Variants in NCOR2 observed in about 807,000 individuals in gnomAD.
NCOR2 encodes the protein CTG repeat protein 26.
Under a neutral mutation model 262.9 loss-of-function variants are expected in NCOR2, and 81 were observed. The ratio of observed to expected loss-of-function variants is 0.31; its 90% CI spans 0.26 to 0.37. The LOEUF (loss-of-function observed/expected upper bound fraction) is 0.37. NCOR2 is among the 10% of genes least tolerant of loss of function. The pLI is 1.00. For missense variants in NCOR2, 3,385 were observed against 3,621.4 expected (o/e 0.93, Z 1.68); for synonymous variants, 1,659 against 1,559.3 (o/e 1.06, Z -1.51).
chr12:124,506,635 G>A (rs1054291711), intron 1 of NCOR2, among the ~76,000 whole-genome samples: 10 of 151,752 alleles, frequency 6.6e-5, no homozygotes, highest in Admixed American at 5.3e-4. Context: ...CAAACATTAC[G>A]CCTGGTTCTG....
chr12:124,442,420 G>A (rs1161409720), intron 7 of NCOR2, among the ~76,000 whole-genome samples: 1 of 152,348 alleles, frequency 6.6e-6, no homozygotes, highest in Admixed American at 6.5e-5. Flanking sequence ...GATGACAGGC[G>A]TGGGCCACCA....
At chr12:124,339,920 C>T (rs2036308109) in intron 37 of NCOR2, 86 bp downstream of exon 39, 1 of 671,556 alleles carries the variant, frequency 1.5e-6, no homozygotes, top group African/African-American at 1.9e-5. Flanking sequence ...CCATATACCT[C>T]CCACCAAGCA....
At chr12:124,401,285 T>C (rs903038258) in intron 14 of NCOR2, among the ~76,000 whole-genome samples, 1 of 151,894 alleles carries the variant, frequency 6.6e-6, no homozygotes, top group East Asian at 1.9e-4. Context: ...TAAGGCCATG[T>C]GGACAGGTAG....
chr12:124,563,348 G>A (rs2052131336), intron 1 of NCOR2, among the ~76,000 whole-genome samples: 2 of 152,238 alleles, frequency 1.3e-5, no homozygotes, highest in Admixed American at 1.3e-4. Context: ...AGGGCAGTGT[G>A]GAAGTGTCCA....
At chr12:124,416,236 C>A (rs1311363381) in intron 13 of NCOR2, among the ~76,000 whole-genome samples, 1 of 129,916 alleles carries the variant, frequency 7.7e-6, no homozygotes, top group African/African-American at 3.0e-5. Context: ...TAAAAAAAAA[C>A]ATCTCTATTT....
At position 124,483,244 on chromosome 12, in the gene NCOR2, G is replaced by A. The variant is rs1235979165; in HGVS notation, c.411+352C>T. On this transcript the variant is annotated intron_variant, in intron 3 of 46. Coordinates refer to ENST00000405201, the Ensembl canonical transcript of NCOR2. The surrounding 1 kb of genome is among the most constrained non-coding windows in gnomAD (Gnocchi z 6.3). The stretch of plus-strand genomic sequence containing the variant: ...CCACAGGACGGTCCTGACCCCCATC[G>A]AATGGCAGCTCTCTGCTCCACGGCA... Among the ~76,000 whole-genome samples the A allele has an allele frequency of 1.3e-5, 2 of 151,880 alleles. No homozygotes were observed. The highest frequency in any genetic ancestry group is 6.6e-5 in the Admixed American group (1 of 15,264).
At chr12:124,415,578 C>T (rs1490768767) in intron 13 of NCOR2, among the ~76,000 whole-genome samples, 3 of 152,256 alleles carry the variant, frequency 2.0e-5, no homozygotes, top group Admixed American at 6.5e-5. Flanking sequence ...GAGGAAGGGG[C>T]GAGCCCTGGA....
chr12:124,517,666 C>T lies in NCOR2; in HGVS notation c.-118+17899G>A, dbSNP rs564857686. On this transcript the variant is annotated intron_variant, in intron 1 of 46. Coordinates refer to the NCOR2 transcript ENST00000404621. The surrounding 1 kb of genome is among the most constrained non-coding windows in gnomAD (Gnocchi z 7.6). ...ACTCCGGGAACAGAAGCCCCCTGAG[C>T]CCCCAAGGCTCGCCATGCTCCCCCC... is the stretch of plus-strand genomic sequence containing the variant. 1.3e-3 allele frequency among the ~76,000 whole-genome samples: 204 copies of T among 152,326 alleles called. No individual in the cohort carries two copies. The highest frequency in any genetic ancestry group is 2.4e-3 in the Admixed American group (37 of 15,312).
chr12:124,446,456 C>T (rs2045178134), intron 7 of NCOR2, among the ~76,000 whole-genome samples: 1 of 152,128 alleles, frequency 6.6e-6, no homozygotes, highest in African/African-American at 2.4e-5. Context: ...TGGCCTGTGC[C>T]CTCCTCTCCC....
At chr12:124,487,184 T>A (rs574895170) in intron 1 of NCOR2, among the ~76,000 whole-genome samples, 1 of 152,144 alleles carries the variant, frequency 6.6e-6, no homozygotes, top group African/African-American at 2.4e-5. Flanking sequence ...CTTGGCAGGG[T>A]GGGTAAGTGA....
At chr12:124,485,011 A>C (rs2047701707) in intron 2 of NCOR2, among the ~76,000 whole-genome samples, 1 of 152,100 alleles carries the variant, frequency 6.6e-6, no homozygotes, top group Non-Finnish European at 1.5e-5. Context: ...GAGGGCCCTC[A>C]AGTCCTTGTC....
intron 13 of NCOR2, among the ~76,000 whole-genome samples, chr12:124,415,951 T>C (rs558136455): frequency 1.3e-5 from 2 of 152,202 alleles, no homozygotes; most frequent in East Asian, 1.9e-4. Flanking sequence ...AAGAGTTGTG[T>C]GGCATATACA....
rs3825137 is a variant in NCOR2, at chr12:124,416,860, T to C, written c.1482+3097A>G. On this transcript the variant is annotated intron_variant, in intron 13 of 46. Coordinates refer to ENST00000405201, the Ensembl canonical transcript of NCOR2. ...GACCCCGTGGCCCAGGGAGACCCCGTGGCACAGATAGACCCGCCGCACAGG... is the reference window on the plus strand; with the variant it reads ...GACCCCGTGGCCCAGGGAGACCCCGCGGCACAGATAGACCCGCCGCACAGG... 2.6e-3 allele frequency among the ~76,000 whole-genome samples: 369 copies of C among 139,572 alleles called. 10 individuals carry two copies. The East Asian group carries it at 0.045, about 17-fold the overall frequency. The allele number at this position is 139,572 out of a possible 152,430, so 91.6% of individuals were successfully genotyped here.
At chr12:124,346,594 C>T (rs754333875) in exon 31 of NCOR2, 10 of 1,577,844 alleles carry the variant, frequency 6.3e-6, no homozygotes, top group East Asian at 4.5e-5. Flanking sequence ...TGAGCGGCCG[C>T]GGGGCCAGGG....
At chr12:124,353,988 C>A in intron 27 of NCOR2, 105 bp downstream of exon 29, 1 of 1,018,706 alleles carries the variant, frequency 9.8e-7, no homozygotes, top group South Asian at 1.5e-5. Flanking sequence ...CCAGTCATCA[C>A]CCCATCGGCT....
rs1396321343 is a variant in NCOR2 at position 124,548,276 on chromosome 12, C to T, written c.-164-12665G>A. ...GCGAAGGCCCAGAGGCAGATGCGGT[C>T]GGTGAGGGCTGAGGAGCTCCCGGGT... On this transcript the variant is annotated intron_variant, in intron 1 of 32. Transcript: ENST00000458234. This position sits in a 1 kb window ranked among gnomAD's most constrained non-coding sequence, Gnocchi z 5.1. Among the ~76,000 whole-genome samples, 1 of 152,162 alleles carries T rather than the reference C, an allele frequency of 6.6e-6. No individual in the cohort carries two copies. The highest frequency in any genetic ancestry group is 1.9e-4 in the East Asian group (1 of 5,190).
At chr12:124,461,268 A>C (rs957909010) in intron 5 of NCOR2, among the ~76,000 whole-genome samples, 1 of 152,230 alleles carries the variant, frequency 6.6e-6, no homozygotes, top group Non-Finnish European at 1.5e-5. Flanking sequence ...GGAGGTGGCC[A>C]AGCCTGAGAG....
chr12:124,347,976 G>A (rs2037086260), intron 29 of NCOR2, 65 bp from the exon 32 acceptor site: 4 of 1,515,194 alleles, frequency 2.6e-6, no homozygotes, highest in Non-Finnish European at 3.6e-6. Flanking sequence ...CAGTGACAGG[G>A]GTCAGTGTTT....
In NCOR2 at chr12:124,441,194, G is replaced by A. The variant is rs977297560; in HGVS notation, c.816-3198C>T. On this transcript the variant is annotated intron_variant, in intron 7 of 46. Coordinates refer to ENST00000405201, the Ensembl canonical transcript of NCOR2. ...AAACCGCGCTGCCCGGGCCATGGCT[G>A]ATTCCAGCGCTCGGCCAGGAAGTAT... is the stretch of plus-strand genomic sequence containing the variant. Among the ~76,000 whole-genome samples the A allele has an allele frequency of 1.2e-4, 19 of 152,234 alleles. 1 individual carries two copies. Among genetic ancestry groups the A allele is most frequent in the Non-Finnish European group, 1.2e-4 (8 of 68,040 alleles).
Sources: gnomAD v4.1 joint callset for allele counts (sites outside exome capture counted in the v4.1 genomes callset) on GRCh38, gnomAD v4.1.1 for gene constraint, Gnocchi (gnomAD v3.1) non-coding constraint, MANE v1.5 for transcripts, NCBI Gene and HGNC (gene_info 2026-07-23, HGNC 2026-07-21) for gene names.